GFRA2: variants seen among roughly 807,000 people sequenced by gnomAD.
GFRA2 encodes the protein GDNF family receptor alpha 2.
In GFRA2, 17 loss-of-function variants were observed where a neutral mutation model predicts 48.3. That is an observed-to-expected ratio of 0.35 (90% CI 0.24 to 0.53). The LOEUF (loss-of-function observed/expected upper bound fraction) is 0.53, where lower values mean the gene tolerates loss of function less well. Ranked by LOEUF, GFRA2 falls within the 20% of genes least tolerant of loss-of-function variation. GFRA2 has a pLI of 0.93. For missense variants in GFRA2, 660 were observed against 637.3 expected (o/e 1.04, Z -0.38); for synonymous variants, 305 against 257.2 (o/e 1.19, Z -1.78).
intron 7 of GFRA2, among the ~76,000 whole-genome samples, chr8:21,700,969 T>G (rs535347114): frequency 1.8e-4 from 27 of 152,164 alleles, no homozygotes; most frequent in African/African-American, 6.3e-4. Context: ...CTAGGGGAGC[T>G]GAGAGACAGG....
rs543781837 is a variant in GFRA2, at chr8:21,733,769, G to A, written c.794+16819C>T. 2.0e-5 allele frequency among the ~76,000 whole-genome samples: 3 copies of A among 152,288 alleles called. No homozygotes were observed. The South Asian group carries it at 6.2e-4, about 32-fold the overall frequency. Reference sequence around the variant, plus strand: ...GATGGGATAGAGGCTGAGGTTTGATGACCATTTAATAGCCGACCCCGCGCA... The same window carrying A: ...GATGGGATAGAGGCTGAGGTTTGATAACCATTTAATAGCCGACCCCGCGCA... On this transcript the variant is annotated intron_variant, in intron 4 of 8. Transcript: ENST00000524240.
intron 4 of GFRA2, among the ~76,000 whole-genome samples, chr8:21,710,367 G>A (rs573513065): frequency 6.6e-6 from 1 of 152,222 alleles, no homozygotes; most frequent in South Asian, 2.1e-4. Flanking sequence ...TGCACAGCAG[G>A]AACAGCTTTC....
intron 4 of GFRA2, among the ~76,000 whole-genome samples, chr8:21,749,085 C>G (rs553042414): frequency 2.0e-5 from 3 of 152,314 alleles, no homozygotes; most frequent in African/African-American, 7.2e-5. Flanking sequence ...CTCCCTTTGT[C>G]TGTTTCCCCT....
At chr8:21,758,481 C>T (rs888747697) in intron 3 of GFRA2, among the ~76,000 whole-genome samples, 1 of 152,078 alleles carries the variant, frequency 6.6e-6, no homozygotes, top group East Asian at 1.9e-4. Flanking sequence ...AGGAAACTGC[C>T]CCTCATCCCA....
intron 2 of GFRA2, among the ~76,000 whole-genome samples, chr8:21,796,221 G>A (rs1355257335): frequency 2.0e-5 from 3 of 152,226 alleles, no homozygotes; most frequent in Non-Finnish European, 4.4e-5. Flanking sequence ...AGTTGGTGCT[G>A]TGTTTGCAGA....
intron 4 of GFRA2, among the ~76,000 whole-genome samples, chr8:21,732,140 A>G (rs1009371188): frequency 6.6e-6 from 1 of 152,268 alleles, no homozygotes; most frequent in African/African-American, 2.4e-5. Flanking sequence ...TAGACAAGGA[A>G]GCTGCCTCTT....
At chr8:21,776,763 G>A (rs989495549) in intron 2 of GFRA2, among the ~76,000 whole-genome samples, 5 of 152,122 alleles carry the variant, frequency 3.3e-5, no homozygotes, top group South Asian at 2.1e-4. Context: ...GAGCCACCGC[G>A]CCCAGCCAAG....
intron 2 of GFRA2, among the ~76,000 whole-genome samples, chr8:21,778,094 G>T (rs940717135): frequency 4.6e-5 from 7 of 152,204 alleles, no homozygotes; most frequent in African/African-American, 1.7e-4. Flanking sequence ...ACCAGCAGGG[G>T]CCAAGGAGAG....
At chr8:21,696,035 G>A (rs1045838097) in intron 7 of GFRA2, among the ~76,000 whole-genome samples, 4 of 150,548 alleles carry the variant, frequency 2.7e-5, no homozygotes, top group Non-Finnish European at 5.9e-5. Context: ...TAAACCATTG[G>A]GAGCCCTCTC....
intron 4 of GFRA2, among the ~76,000 whole-genome samples, chr8:21,734,873 A>G (rs1172044760): frequency 6.6e-6 from 1 of 152,242 alleles, no homozygotes; most frequent in Non-Finnish European, 1.5e-5. Context: ...AGCTAAAGGG[A>G]AAATTCAAGC....
At chr8:21,716,262 G>T (rs1175892547) in intron 4 of GFRA2, among the ~76,000 whole-genome samples, 2 of 151,240 alleles carry the variant, frequency 1.3e-5, no homozygotes, top group Non-Finnish European at 2.9e-5. Flanking sequence ...TGCAGAGGTT[G>T]CAGTGAGCCC....
At chr8:21,745,896 GC>G (rs2117571127) in intron 4 of GFRA2, among the ~76,000 whole-genome samples, 1 of 152,286 alleles carries the variant, frequency 6.6e-6, no homozygotes, top group East Asian at 1.9e-4. Context: ...CCCTGATGAG[GC>G]TGGCTGAGTC....
Position 21,740,508 on chromosome 8 carries a change from G to A in GFRA2, c.794+10080C>T, listed in dbSNP as rs181202442. ...CCTTCCAGACCTCTCTACAGCATAC[G>A]GCACGGCTATCCATTCCCTCTTTTT... On this transcript the variant is annotated intron_variant, in intron 4 of 8. Transcript: ENST00000524240. 5.7e-4 allele frequency among the ~76,000 whole-genome samples: 87 copies of A among 152,180 alleles called. 1 individual carries two copies. The highest frequency in any genetic ancestry group is 6.2e-4 in the South Asian group (3 of 4,818).
intron 1 of GFRA2, among the ~76,000 whole-genome samples, chr8:21,808,852 A>G (rs959233135): frequency 1.3e-5 from 2 of 152,248 alleles, no homozygotes; most frequent in African/African-American, 4.8e-5. Flanking sequence ...AAATATATCT[A>G]TTATCACTTC....
Position 21,694,474 on chromosome 8 carries a change from C to A in GFRA2, c.1262G>T (p.Cys421Phe). Residue 421 changes from cysteine (C) to phenylalanine (F), a missense_variant, in exon 8 of 9, where the codon TGC (cysteine) becomes TTC (phenylalanine). Transcript: ENST00000524240. Reference sequence around the variant, plus strand: ...CTGCCCCCAACTCACCTCTGTGAAGCACATGCTTAACTCTTTGGAGTTGTT... The same window carrying A: ...CTGCCCCCAACTCACCTCTGTGAAGAACATGCTTAACTCTTTGGAGTTGTT... The part of the protein sequence containing the change: ...KANNSKELSM[C>F]FTELTTNIIP... The A allele has an allele frequency of 1.2e-6, 2 of 1,612,352 alleles. No homozygotes were observed. The highest frequency in any genetic ancestry group is 2.2e-5 in the South Asian group (2 of 90,648).
chr8:21,718,988 G>C (rs1803467608), intron 4 of GFRA2, among the ~76,000 whole-genome samples: 1 of 151,852 alleles, frequency 6.6e-6, no homozygotes, highest in Non-Finnish European at 1.5e-5. Context: ...CCATCCAAGG[G>C]AGTCACTGTG....
At chr8:21,726,132 TG>T (rs1394188274) in intron 4 of GFRA2, among the ~76,000 whole-genome samples, 1 of 152,198 alleles carries the variant, frequency 6.6e-6, no homozygotes, top group East Asian at 1.9e-4. Flanking sequence ...TCCCTCACCC[TG>T]GGTGGACTCC....
chr8:21,790,314 A>G (rs907213470), upstream of GFRA2, among the ~76,000 whole-genome samples: 23 of 152,218 alleles, frequency 1.5e-4, no homozygotes, highest in African/African-American at 5.1e-4. Flanking sequence ...GGGTACACGC[A>G]GCGCCTCAGA....
intron 3 of GFRA2, among the ~76,000 whole-genome samples, chr8:21,758,006 G>A (rs1006712938): frequency 5.3e-5 from 8 of 152,070 alleles, no homozygotes; most frequent in African/African-American, 1.2e-4. Flanking sequence ...CAATGCACTC[G>A]GAGGGGGAAG....
Sources: allele counts gnomAD v4.1 joint callset (sites outside exome capture counted in the v4.1 genomes callset), GRCh38; gene constraint gnomAD v4.1.1; transcripts MANE v1.5; gene names NCBI Gene and HGNC (gene_info 2026-07-23, HGNC 2026-07-21).